The following XDH variants were observed in gnomAD, a reference collection of about 807,000 sequenced individuals.
XDH encodes the protein xanthine dehydrogenase/oxidase.
XDH carries 138 observed loss-of-function variants against 156.1 expected under a neutral mutation model. That is an observed-to-expected ratio of 0.88 (90% CI 0.77 to 1.02). The LOEUF (loss-of-function observed/expected upper bound fraction) is 1.02, where lower values mean the gene tolerates loss of function less well. Ranked by LOEUF, XDH falls within the 50% of genes least tolerant of loss-of-function variation. The probability of loss-of-function intolerance (pLI) is 0.00; values close to 1 mark genes in which losing one functional copy is unlikely to be tolerated. For missense variants in XDH, 1,849 were observed against 1,684.9 expected (o/e 1.10, Z -1.71); for synonymous variants, 669 against 625.7 (o/e 1.07, Z -1.03).
chr2:31,347,388 G>A, intron 29 of XDH, 134 bp downstream of exon 29: 5 of 1,341,522 alleles, frequency 3.7e-6, no homozygotes, highest in Non-Finnish European at 5.1e-6. Flanking sequence ...GCATCCTCCT[G>A]GATAAGGGAG....
intron 13 of XDH, among the ~76,000 whole-genome samples, chr2:31,378,974 T>C (rs1428230557): frequency 2.0e-5 from 3 of 152,190 alleles, no homozygotes; most frequent in East Asian, 1.9e-4. Flanking sequence ...AATGCTCTAA[T>C]TTAATTAGCA....
intron 24 of XDH, among the ~76,000 whole-genome samples, chr2:31,355,152 A>T (rs1424824244): frequency 6.6e-6 from 1 of 152,208 alleles, no homozygotes; most frequent in African/African-American, 2.4e-5. Context: ...GAAAGAAACG[A>T]ACTGTTAACT....
chr2:31,381,847 C>T (rs1286627652), intron 11 of XDH, 121 bp from the exon 12 acceptor site: 8 of 857,806 alleles, frequency 9.3e-6, no homozygotes, highest in Non-Finnish European at 1.5e-5. Context: ...AGGTCCTGTG[C>T]CTACTGTAGT....
intron 24 of XDH, among the ~76,000 whole-genome samples, chr2:31,353,366 T>G (rs1468506824): frequency 6.6e-6 from 1 of 152,122 alleles, no homozygotes; most frequent in Admixed American, 6.5e-5. Context: ...TGTGAGAAAC[T>G]CAACATTGAA....
intron 19 of XDH, 130 bp downstream of exon 19, chr2:31,368,410 TG>T: frequency 5.0e-6 from 6 of 1,210,206 alleles, no homozygotes; most frequent in Non-Finnish European, 7.2e-6. Context: ...ATCCCAGGGT[TG>T]AAAGGGATTT....
At chr2:31,379,127 T>G (rs557666123) in intron 13 of XDH, among the ~76,000 whole-genome samples, 81 of 152,284 alleles carry the variant, frequency 5.3e-4, no homozygotes, top group African/African-American at 1.8e-3. Context: ...CAGGCCCTTT[T>G]GGATGTGTTC....
At chr2:31,351,323 T>C (rs45488396) in intron 24 of XDH, among the ~76,000 whole-genome samples, 1,743 of 152,334 alleles carry the variant, frequency 0.011, 32 homozygotes, top group African/African-American at 0.039. Context: ...ATGTACTTAT[T>C]ACTAAGCCAA....
intron 24 of XDH, among the ~76,000 whole-genome samples, chr2:31,357,444 A>G (rs1399139669): frequency 6.6e-6 from 1 of 151,972 alleles, no homozygotes; most frequent in Non-Finnish European, 1.5e-5. Flanking sequence ...GAGAAATAAG[A>G]ACACACTATG....
intron 23 of XDH, among the ~76,000 whole-genome samples, chr2:31,364,483 C>T (rs2148766214): frequency 6.6e-6 from 1 of 152,042 alleles, no homozygotes; most frequent in South Asian, 2.1e-4. Flanking sequence ...CCCTTGTCCC[C>T]ACACCTCTTC....
Position 31,348,974 on chromosome 2 carries a change from A to G in XDH, c.2976T>C (p.Asn992=), listed in dbSNP as rs1685377335. 1.2e-6 allele frequency: 2 copies of G among 1,613,246 alleles called. No individual in the cohort carries two copies. Among genetic ancestry groups the G allele is most frequent in the Non-Finnish European group, 1.7e-6 (2 of 1,179,196 alleles). ...TGCACAATCCTCTCTTTTTCCAACA[A>G]TTCTCCCTAGAGAAAAAGGAATATT... ...KSEVDKFNKE[N]CWKKRGLCII... Residue 992 remains asparagine (N), a synonymous_variant, in exon 27 of 36, where the codon AAT becomes AAC. Coordinates refer to ENST00000379416, the MANE Select transcript of XDH (RefSeq NM_000379.4).
chr2:31,387,090 C>T (rs1686630539), intron 8 of XDH, among the ~76,000 whole-genome samples: 1 of 152,078 alleles, frequency 6.6e-6, no homozygotes, highest in Non-Finnish European at 1.5e-5. Flanking sequence ...TTAGTGCTTG[C>T]AGGAAGACAC....
rs1205313617 is a variant in XDH, at chr2:31,344,687, T to A, written c.3401A>T (p.Tyr1134Phe). 6.2e-7 allele frequency: 1 copy of A among 1,613,922 alleles called. No homozygotes were observed. Among genetic ancestry groups the A allele is most frequent in the East Asian group, 2.2e-5 (1 of 44,886 alleles). ...GCAAGGACAACACCATACTTACCTA[T>A]AAAACCCAGTGGCAGACAAGCTCAC... ...DTVSLSATGF[Y>F]RTPNLGYSFE... Residue 1134 changes from tyrosine (Y) to phenylalanine (F), a missense_variant, in exon 31 of 36, where the codon TAT becomes TTT. Tyr to Phe is a conservative substitution (Grantham distance 22). Transcript: ENST00000379416.
intron 22 of XDH, among the ~76,000 whole-genome samples, chr2:31,365,773 G>C (rs1057101125): frequency 6.6e-6 from 1 of 152,176 alleles, no homozygotes; most frequent in Non-Finnish European, 1.5e-5. Flanking sequence ...AGAGATCAGA[G>C]GTGGATACCT....
At chr2:31,344,790 G>C (rs1360600787) in intron 30 of XDH, 54 bp from the exon 31 acceptor site, 3 of 1,584,054 alleles carry the variant, frequency 1.9e-6, no homozygotes, top group East Asian at 2.3e-5. Flanking sequence ...CAGGAACCCT[G>C]ACCTGCCACT....
chr2:31,371,710 A>T (rs928519737), intron 17 of XDH, among the ~76,000 whole-genome samples: 8 of 151,972 alleles, frequency 5.3e-5, no homozygotes, highest in African/African-American at 1.7e-4. Context: ...AAGTTTATTT[A>T]TCTGTTAGAT....
At chr2:31,401,105 A>T (rs981237295) in intron 4 of XDH, 115 bp downstream of exon 4, 1 of 1,182,860 alleles carries the variant, frequency 8.5e-7, no homozygotes, top group African/African-American at 1.5e-5. Flanking sequence ...GCCTTCTTAG[A>T]TTAAGCAGTG....
In XDH at chr2:31,383,659, G is replaced by C. The variant is rs988144532; in HGVS notation, c.886+96C>G. On this transcript the variant is annotated intron_variant, in intron 10 of 35. Coordinates refer to ENST00000379416, the MANE Select transcript of XDH (RefSeq NM_000379.4). ...CCAGGAGAAGCAGGGGGCAGCCAGA[G>C]CCAGTGGGGAGACCACCCTGATACC... 14 of 1,175,022 alleles carry C rather than the reference G, an allele frequency of 1.2e-5. No individual in the cohort carries two copies. In the African/African-American group the frequency reaches 1.8e-4, roughly 15 times the overall value. 72.8% of individuals were successfully genotyped at this position (1,175,022 alleles called of 1,614,324 possible). A position where few individuals can be genotyped will look rare whatever the true frequency, so the allele number is the denominator to read the frequency against.
At chr2:31,342,118 G>A in intron 32 of XDH, 65 bp downstream of exon 32, 2 of 1,395,362 alleles carry the variant, frequency 1.4e-6, no homozygotes, top group South Asian at 1.2e-5. Context: ...TCAGCTCTAG[G>A]TATTACAACT....
Position 31,368,631 on chromosome 2 carries a change from A to G in XDH, c.2010T>C (p.Ala670=), listed in dbSNP as rs1214621932. The G allele has an allele frequency of 6.2e-7, 1 of 1,614,202 alleles. No homozygotes were observed. The highest frequency in any genetic ancestry group is 8.5e-7 in the Non-Finnish European group (1 of 1,180,028). Residue 670 remains alanine (A), a synonymous_variant, in exon 19 of 36, where the codon GCT becomes GCC. Coordinates refer to ENST00000379416, the MANE Select transcript of XDH (RefSeq NM_000379.4). ...KVTCVGHIIG[A]VVADTPEHTQ... ...TGTGTTCCGGGGTGTCAGCAACCAC[A>G]GCACCAATGATATGCCCAACACAAG...
Sources: gnomAD v4.1 joint callset for allele counts (sites outside exome capture counted in the v4.1 genomes callset) on GRCh38, gnomAD v4.1.1 for gene constraint, MANE v1.5 for transcripts, NCBI Gene and HGNC (gene_info 2026-07-23, HGNC 2026-07-21) for gene names.